Variants in TAX1BP1 observed in about 807,000 individuals in gnomAD.
TAX1BP1 encodes the protein Tax1 binding protein 1.
Under a neutral mutation model 97.7 loss-of-function variants are expected in TAX1BP1, and 62 were observed. That is an observed-to-expected ratio of 0.63 (90% confidence interval 0.52 to 0.78). The LOEUF is 0.78. TAX1BP1 is among the 30% of genes least tolerant of loss of function. The pLI, the probability that TAX1BP1 is intolerant of heterozygous loss-of-function variation, is 0.00. For missense variants in TAX1BP1, 867 were observed against 916.1 expected (o/e 0.95, Z 0.69); for synonymous variants, 340 against 304.2 (o/e 1.12, Z -1.23).
intron 1 of TAX1BP1, among the ~76,000 whole-genome samples, chr7:27,745,255 C>A (rs1266531904): frequency 1.3e-5 from 2 of 152,152 alleles, no homozygotes; most frequent in African/African-American, 4.8e-5. Context: ...AGCTACACTT[C>A]CCAGGCATTA....
At chr7:27,807,046 AC>A (rs142097552) in intron 13 of TAX1BP1, among the ~76,000 whole-genome samples, 3,539 of 152,140 alleles carry the variant, frequency 0.023, 69 homozygotes, top group East Asian at 0.081. Flanking sequence ...GTATGTTGTA[AC>A]TGGTTATTGT....
intron 10 of TAX1BP1, among the ~76,000 whole-genome samples, 155 bp downstream of exon 10, chr7:27,793,367 A>C (rs905773832): frequency 6.6e-6 from 1 of 152,120 alleles, no homozygotes; most frequent in African/African-American, 2.4e-5. Flanking sequence ...CTCTTCTTTA[A>C]AAAAGTCTGG....
intron 1 of TAX1BP1, among the ~76,000 whole-genome samples, chr7:27,745,008 A>G (rs1166673559): frequency 1.3e-5 from 2 of 152,308 alleles, no homozygotes; most frequent in South Asian, 2.1e-4. Flanking sequence ...ATGTATAAGC[A>G]TTTCTGATTT....
intron 12 of TAX1BP1, among the ~76,000 whole-genome samples, chr7:27,799,482 C>T (rs1448835150): frequency 6.6e-6 from 1 of 152,056 alleles, no homozygotes; most frequent in Non-Finnish European, 1.5e-5. Context: ...TATTTCCTCC[C>T]TTTGCAAAAG....
chr7:27,747,507 G>A (rs879463744), intron 1 of TAX1BP1, among the ~76,000 whole-genome samples: 16 of 152,130 alleles, frequency 1.1e-4, no homozygotes, highest in Non-Finnish European at 2.1e-4. Flanking sequence ...GAAAGGGTAC[G>A]TGAATACTAG....
chr7:27,741,761 G>T (rs1228130543), intron 1 of TAX1BP1, among the ~76,000 whole-genome samples: 1 of 152,144 alleles, frequency 6.6e-6, no homozygotes, highest in African/African-American at 2.4e-5. Context: ...AAGAAATAAG[G>T]GGATCCGGGG....
intron 13 of TAX1BP1, 148 bp downstream of exon 13, chr7:27,800,238 A>G (rs1790081269): frequency 4.0e-6 from 3 of 758,410 alleles, no homozygotes; most frequent in African/African-American, 1.8e-5. Context: ...ATTTAGTTAC[A>G]TAAATACTGT....
At chr7:27,790,212 C>T (rs1184550030) in intron 8 of TAX1BP1, among the ~76,000 whole-genome samples, 1 of 151,854 alleles carries the variant, frequency 6.6e-6, no homozygotes, top group Non-Finnish European at 1.5e-5. Context: ...CACTATGATA[C>T]ACATGTGGAT....
At chr7:27,794,467 T>G (rs771270040) in intron 11 of TAX1BP1, 21 bp downstream of exon 11, 1 of 1,589,052 alleles carries the variant, frequency 6.3e-7, no homozygotes, top group Non-Finnish European at 8.6e-7. Flanking sequence ...TTTAGACTTT[T>G]TGTGTAGGGT....
chr7:27,747,061 T>C (rs1787848376), intron 1 of TAX1BP1, among the ~76,000 whole-genome samples: 1 of 152,228 alleles, frequency 6.6e-6, no homozygotes, highest in Non-Finnish European at 1.5e-5. Flanking sequence ...GCTTGCTCTG[T>C]AGAAACTTCA....
chr7:27,740,557 G>C (rs1439172172), intron 1 of TAX1BP1, among the ~76,000 whole-genome samples: 2 of 152,176 alleles, frequency 1.3e-5, no homozygotes, highest in Non-Finnish European at 2.9e-5. Context: ...TTCGCGATTT[G>C]GGGGAGGCGT....
chr7:27,783,738 G>GC (rs1240049753), intron 5 of TAX1BP1, among the ~76,000 whole-genome samples: 7 of 152,090 alleles, frequency 4.6e-5, no homozygotes, highest in Non-Finnish European at 5.9e-5. Flanking sequence ...TATTTGCAGT[G>GC]CCAAGAGAGC....
intron 13 of TAX1BP1, among the ~76,000 whole-genome samples, chr7:27,808,332 A>G (rs1030725443): frequency 6.6e-6 from 1 of 152,190 alleles, no homozygotes; most frequent in African/African-American, 2.4e-5. Flanking sequence ...TCCATAATAT[A>G]ACTTCCTTTT....
At chr7:27,758,880 T>C (rs1214914295) in intron 3 of TAX1BP1, among the ~76,000 whole-genome samples, 1 of 152,118 alleles carries the variant, frequency 6.6e-6, no homozygotes, top group Non-Finnish European at 1.5e-5. Flanking sequence ...ATTTTGGAGA[T>C]AATGGTGGTG....
chr7:27,758,098 A>C lies in TAX1BP1; in HGVS notation c.230A>C (p.Glu77Ala), dbSNP rs770623110. 1 of 1,612,516 alleles carries C rather than the reference A, an allele frequency of 6.2e-7. No individual in the cohort carries two copies. The highest frequency in any genetic ancestry group is 1.3e-5 in the African/African-American group (1 of 74,992). Residue 77 changes from glutamate (E) to alanine (A), a missense_variant, in exon 3 of 17, where the codon GAA becomes GCA. This residue lies in a region of TAX1BP1 where 822 missense variants were observed against 851.4 expected (regional missense o/e 0.97). Coordinates refer to ENST00000396319, the MANE Select transcript of TAX1BP1 (RefSeq NM_006024.7). ...LWSPMPEHYVEGSTVNCVLAF... is the reference protein window; with the variant it reads ...LWSPMPEHYVAGSTVNCVLAF... ...TCCCCTATGCCTGAACATTATGTGGAAGGATCAACAGTCAATTGTGTACTA... is the reference window on the plus strand; with the variant it reads ...TCCCCTATGCCTGAACATTATGTGGCAGGATCAACAGTCAATTGTGTACTA...
chr7:27,746,056 T>G (rs1258185232), intron 1 of TAX1BP1, among the ~76,000 whole-genome samples: 1 of 152,140 alleles, frequency 6.6e-6, no homozygotes, highest in East Asian at 1.9e-4. Flanking sequence ...TTAACAGAAG[T>G]TGAAACACTT....
chr7:27,742,600 ATC>A (rs948415747), intron 1 of TAX1BP1, among the ~76,000 whole-genome samples: 2 of 152,104 alleles, frequency 1.3e-5, no homozygotes, highest in African/African-American at 2.4e-5. Context: ...TAACAGTCTG[ATC>A]TCTCTTGCTT....
At chr7:27,819,684 G>C (rs564587233) in intron 15 of TAX1BP1, among the ~76,000 whole-genome samples, 5 of 152,070 alleles carry the variant, frequency 3.3e-5, no homozygotes, top group African/African-American at 4.8e-5. Context: ...GCTTACAGTG[G>C]GTTCATTGGA....
At chr7:27,756,643 T>C (rs1788228942) in intron 2 of TAX1BP1, among the ~76,000 whole-genome samples, 1 of 152,176 alleles carries the variant, frequency 6.6e-6, no homozygotes, top group Admixed American at 6.5e-5. Flanking sequence ...CCTATGCTCT[T>C]AGTTATTACA....
Sources: gnomAD v4.1 joint callset for allele counts (sites outside exome capture counted in the v4.1 genomes callset) on GRCh38, gnomAD v4.1.1 for gene constraint, gnomAD v4.1.1 regional missense constraint, MANE v1.5 for transcripts, NCBI Gene and HGNC (gene_info 2026-07-23, HGNC 2026-07-21) for gene names.